SNX29: variants seen among roughly 807,000 people sequenced by gnomAD.
The protein encoded by SNX29 is sorting nexin-29.
SNX29 carries 78 observed loss-of-function variants against 102.1 expected under a neutral mutation model. The observed-to-expected ratio is 0.76, with a 90% CI of 0.64 to 0.92. SNX29 has a LOEUF of 0.92. Ranked by LOEUF, SNX29 falls within the 40% of genes least tolerant of loss-of-function variation. SNX29 has a pLI of 0.00. For missense variants in SNX29, 1,280 were observed against 1,061.7 expected (o/e 1.21, Z -2.86); for synonymous variants, 580 against 414.5 (o/e 1.40, Z -4.85).
chr16:12,205,378 G>A (rs748548447), intron 14 of SNX29, among the ~76,000 whole-genome samples: 2 of 152,138 alleles, frequency 1.3e-5, no homozygotes, highest in Admixed American at 6.5e-5. Context: ...CATAAATCCC[G>A]TCACTCTGCT....
At position 11,976,826 on chromosome 16, in the gene SNX29, C is replaced by A; in HGVS notation, c.7+13C>A. 7.3e-7 allele frequency: 1 copy of A among 1,374,088 alleles called. No homozygotes were observed. The highest frequency in any genetic ancestry group is 1.5e-5 in the African/African-American group (1 of 66,440). The allele number at this position is 1,374,088 out of a possible 1,614,324, so 85.1% of individuals were successfully genotyped here. The stretch of plus-strand genomic sequence containing the variant: ...GGCACCATGAGCGGTGAGTGGCGGC[C>A]CCGCCGCTGTCACCTGCCCCGGCCG... On this transcript the variant is annotated intron_variant, in intron 1 of 20. Transcript: ENST00000566228.
chr16:12,220,217 C>CA (rs1165111255), intron 14 of SNX29, among the ~76,000 whole-genome samples: 1 of 151,186 alleles, frequency 6.6e-6, no homozygotes, highest in Non-Finnish European at 1.5e-5. Context: ...TCCAGGTGCT[C>CA]AAACAGTTTA....
At chr16:12,106,459 C>A (rs1283546636) in intron 11 of SNX29, among the ~76,000 whole-genome samples, 1 of 151,678 alleles carries the variant, frequency 6.6e-6, no homozygotes, top group Non-Finnish European at 1.5e-5. Context: ...CCTCCTCGGC[C>A]CCCTCCTTTT....
intron 14 of SNX29, among the ~76,000 whole-genome samples, chr16:12,267,988 A>G (rs534045923): frequency 2.6e-5 from 4 of 152,284 alleles, no homozygotes; most frequent in East Asian, 3.9e-4. Flanking sequence ...TTGGTAGAAC[A>G]TGTGGGTGCC....
At chr16:12,565,641 T>C (rs1312604281) in intron 20 of SNX29, among the ~76,000 whole-genome samples, 4 of 152,252 alleles carry the variant, frequency 2.6e-5, no homozygotes, top group South Asian at 2.1e-4. Context: ...ATGTGACACA[T>C]ATAGCCTCGT....
chr16:12,049,316 C>G (rs1210490440), intron 7 of SNX29, among the ~76,000 whole-genome samples: 1 of 150,314 alleles, frequency 6.7e-6, no homozygotes, highest in African/African-American at 2.4e-5. Flanking sequence ...CAGTGAGACC[C>G]TGTCTCAATT....
chr16:12,485,242 C>T (rs753287153), intron 19 of SNX29, among the ~76,000 whole-genome samples: 2 of 152,218 alleles, frequency 1.3e-5, no homozygotes, highest in East Asian at 3.9e-4. Flanking sequence ...GGGAGTTGAC[C>T]GGTGAGCTGC....
chr16:12,263,921 G>C (rs532274277), intron 14 of SNX29, among the ~76,000 whole-genome samples: 1 of 152,222 alleles, frequency 6.6e-6, no homozygotes, highest in Non-Finnish European at 1.5e-5. Flanking sequence ...AATCTAGGTA[G>C]ACGGTCAAGG....
intron 13 of SNX29, among the ~76,000 whole-genome samples, chr16:12,174,978 A>G (rs2076228439): frequency 1.3e-5 from 2 of 152,178 alleles, no homozygotes; most frequent in South Asian, 4.1e-4. Flanking sequence ...GAGGGCTAGT[A>G]AACAGCTTAG....
chr16:12,359,211 G>A (rs1042694989), intron 16 of SNX29, among the ~76,000 whole-genome samples: 4 of 152,188 alleles, frequency 2.6e-5, no homozygotes, highest in Admixed American at 6.5e-5. Flanking sequence ...GCTGGTGTCC[G>A]CTGCAGAACT....
intron 13 of SNX29, among the ~76,000 whole-genome samples, chr16:12,179,441 G>T (rs916922546): frequency 2.6e-5 from 4 of 152,234 alleles, no homozygotes. Flanking sequence ...CCATGATGGC[G>T]CCACTGTACT....
chr16:12,299,120 C>A (rs992896533), intron 15 of SNX29, among the ~76,000 whole-genome samples: 2 of 151,926 alleles, frequency 1.3e-5, no homozygotes, highest in East Asian at 1.9e-4. Flanking sequence ...GCCAACATGG[C>A]GAGACCCTAT....
intron 10 of SNX29, among the ~76,000 whole-genome samples, chr16:12,073,186 T>C (rs2051379212): frequency 6.6e-6 from 1 of 152,180 alleles, no homozygotes; most frequent in South Asian, 2.1e-4. Flanking sequence ...TGCTCTGATT[T>C]TAGTTATTTC....
At chr16:12,345,526 T>C (rs1197344828) in intron 15 of SNX29, among the ~76,000 whole-genome samples, 1 of 152,188 alleles carries the variant, frequency 6.6e-6, no homozygotes, top group Admixed American at 6.5e-5. Flanking sequence ...AGCACTTCCT[T>C]TTATTGCATG....
intron 15 of SNX29, among the ~76,000 whole-genome samples, chr16:12,325,675 C>A (rs1166963406): frequency 2.6e-5 from 4 of 151,946 alleles, no homozygotes; most frequent in Non-Finnish European, 5.9e-5. Flanking sequence ...TTTCTGAGAA[C>A]AAAAGAATAT....
At chr16:12,088,142 C>G (rs1380202224) in intron 11 of SNX29, 2 of 456,618 alleles carry the variant, frequency 4.4e-6, no homozygotes, top group Admixed American at 4.7e-5. Context: ...AGCTCAGTCT[C>G]TGCAGCAGGC....
chr16:12,133,702 G>A (rs1009594907), intron 13 of SNX29, among the ~76,000 whole-genome samples: 2 of 152,170 alleles, frequency 1.3e-5, no homozygotes, highest in African/African-American at 2.4e-5. Context: ...TAAATACTCA[G>A]TAAATGTTAA....
At chr16:11,995,580 TTGCAGAGTAA>T (rs1374526622) in intron 1 of SNX29, among the ~76,000 whole-genome samples, 4 of 151,062 alleles carry the variant, frequency 2.6e-5, no homozygotes, top group East Asian at 1.9e-4. Context: ...AAAAGAGGCT[TTGCAGAGTAA>T]GGCAGAGGAG....
At chr16:12,155,153 C>T (rs951585165) in intron 13 of SNX29, among the ~76,000 whole-genome samples, 4 of 152,162 alleles carry the variant, frequency 2.6e-5, no homozygotes, top group Non-Finnish European at 4.4e-5. Context: ...CCACCCCTTC[C>T]GCGCCCAGGG....
Sources: gnomAD v4.1 joint callset for allele counts (sites outside exome capture counted in the v4.1 genomes callset) on GRCh38, gnomAD v4.1.1 for gene constraint, MANE v1.5 for transcripts, NCBI Gene and HGNC (gene_info 2026-07-23, HGNC 2026-07-21) for gene names.